Variants in EDARADD observed in about 807,000 individuals in gnomAD.
EDARADD encodes the protein ectodysplasin-A receptor-associated adapter protein.
Under a neutral mutation model 25.6 loss-of-function variants are expected in EDARADD, and 20 were observed. That is an observed-to-expected ratio of 0.78 (90% CI 0.55 to 1.14). The LOEUF (loss-of-function observed/expected upper bound fraction) is 1.14, where lower values mean the gene tolerates loss of function less well. EDARADD is among the 50% of genes most tolerant of loss of function. EDARADD has a pLI of 0.00. For missense variants in EDARADD, 225 were observed against 270.1 expected, an observed-to-expected ratio of 0.83 and a Z score of 1.17; for synonymous variants, 86 against 94.4, an observed-to-expected ratio of 0.91 and a Z score of 0.52.
chr1:236,362,819 C>T (rs1052890244), intron 3 of EDARADD, among the ~76,000 whole-genome samples: 1 of 150,680 alleles, frequency 6.6e-6, no homozygotes, highest in South Asian at 2.1e-4. Context: ...GCTGCCTTGC[C>T]TTGTGCCCTT....
intron 3 of EDARADD, among the ~76,000 whole-genome samples, chr1:236,364,268 G>A (rs918193279): frequency 1.3e-5 from 2 of 152,252 alleles, no homozygotes; most frequent in Middle Eastern, 6.8e-3. Context: ...CCAGATATAT[G>A]TCTATCTTAC....
intron 4 of EDARADD, among the ~76,000 whole-genome samples, chr1:236,453,489 G>T (rs944262275): frequency 6.6e-6 from 1 of 152,024 alleles, no homozygotes; most frequent in African/African-American, 2.4e-5. Flanking sequence ...CATTGGCTGG[G>T]TTGGTCTCTA....
At chr1:236,357,330 T>C (rs1297938949) in intron 3 of EDARADD, among the ~76,000 whole-genome samples, 1 of 152,094 alleles carries the variant, frequency 6.6e-6, no homozygotes, top group Non-Finnish European at 1.5e-5. Flanking sequence ...TGTGTTTCTA[T>C]AAAGGAATGC....
At chr1:236,364,257 C>T (rs910171594) in intron 3 of EDARADD, among the ~76,000 whole-genome samples, 1 of 152,086 alleles carries the variant, frequency 6.6e-6, no homozygotes, top group East Asian at 1.9e-4. Flanking sequence ...AATATATTAT[C>T]CCAGATATAT....
chr1:236,437,363 T>C (rs957183428), intron 4 of EDARADD, among the ~76,000 whole-genome samples: 2 of 152,170 alleles, frequency 1.3e-5, no homozygotes, highest in African/African-American at 4.8e-5. Flanking sequence ...AATGCCAGGA[T>C]GGAAGAGTGT....
intron 4 of EDARADD, among the ~76,000 whole-genome samples, chr1:236,444,579 G>A (rs981160947): frequency 2.6e-5 from 4 of 152,214 alleles, no homozygotes; most frequent in Middle Eastern, 3.4e-3. Flanking sequence ...GCGCCACCAC[G>A]CCTGGCTAAT....
chr1:236,353,697 A>G (rs922337416), intron 3 of EDARADD, among the ~76,000 whole-genome samples: 14 of 150,042 alleles, frequency 9.3e-5, no homozygotes, highest in African/African-American at 3.2e-4. Flanking sequence ...AAAAAAAAAA[A>G]AGATATTGGA....
At chr1:236,461,010 CG>C (rs1475601337) in intron 4 of EDARADD, among the ~76,000 whole-genome samples, 1 of 151,982 alleles carries the variant, frequency 6.6e-6, no homozygotes, top group African/African-American at 2.4e-5. Flanking sequence ...TTAGTAAAGA[CG>C]GGGTTTCATC....
At chr1:236,463,363 G>A (rs961592472) in intron 4 of EDARADD, among the ~76,000 whole-genome samples, 3 of 152,014 alleles carry the variant, frequency 2.0e-5, no homozygotes, top group African/African-American at 4.8e-5. Context: ...GCGAGATCTT[G>A]GTTCACTGCA....
intron 4 of EDARADD, among the ~76,000 whole-genome samples, chr1:236,457,360 C>CA (rs750749102): frequency 2.0e-5 from 3 of 151,570 alleles, no homozygotes; most frequent in African/African-American, 4.9e-5. Flanking sequence ...TACAAAAATA[C>CA]AAAAAATACC....
chr1:236,421,090 T>C (rs1657772595), intron 3 of EDARADD, among the ~76,000 whole-genome samples: 1 of 147,116 alleles, frequency 6.8e-6, no homozygotes, highest in African/African-American at 2.5e-5. Flanking sequence ...AGGGATTCCA[T>C]CTTAGGGTTA....
rs902561218 is a variant in EDARADD at position 236,424,183 on chromosome 1, C to T, written c.161-3209C>T. ...TTTTTTTTTTTTTTTTTTTTTGGAACAGGACGTTGCTCTGTCACTCAGGGC... is the reference window on the plus strand; with the variant it reads ...TTTTTTTTTTTTTTTTTTTTTGGAATAGGACGTTGCTCTGTCACTCAGGGC... On this transcript the variant is annotated intron_variant, in intron 3 of 5. Coordinates refer to ENST00000334232, the MANE Select transcript of EDARADD (RefSeq NM_145861.4). Among the ~76,000 whole-genome samples, 31 of 77,108 alleles carry T rather than the reference C, an allele frequency of 4.0e-4. 1 individual carries two copies. The highest frequency in any genetic ancestry group is 6.0e-4 in the Non-Finnish European group (24 of 39,696). The allele number at this position is 77,108 out of a possible 152,430, so 50.6% of individuals were successfully genotyped here.
rs191441694 is a variant in EDARADD, at chr1:236,394,371, G to A, written c.-74G>A. On this transcript the variant is annotated 5_prime_UTR_variant, in exon 1 of 6. Transcript: ENST00000334232. The stretch of plus-strand genomic sequence containing the variant: ...GTTTGACTCTGGCCAGACAACCAGC[G>A]AGCATCTTCTCGCAATCTGTTGCTT... 4,867 of 1,518,684 alleles carry A rather than the reference G, an allele frequency of 3.2e-3. 21 individuals carry two copies. The highest frequency in any genetic ancestry group is 3.9e-3 in the Non-Finnish European group (4,309 of 1,093,790). 94.1% of individuals were successfully genotyped at this position (1,518,684 alleles called of 1,614,324 possible). A position where few individuals can be genotyped will look rare whatever the true frequency, so the allele number is the denominator to read the frequency against.
intron 4 of EDARADD, among the ~76,000 whole-genome samples, chr1:236,455,664 C>T (rs1658838168): frequency 6.6e-6 from 1 of 152,236 alleles, no homozygotes; most frequent in African/African-American, 2.4e-5. Flanking sequence ...GCAGCTATTG[C>T]ATTCCAGTCC....
At chr1:236,477,180 G>A (rs539607506) in intron 5 of EDARADD, among the ~76,000 whole-genome samples, 1 of 149,626 alleles carries the variant, frequency 6.7e-6, no homozygotes, top group Admixed American at 6.7e-5. Flanking sequence ...TATTATACAT[G>A]ATTTACAGGG....
rs376731607 is a variant in EDARADD, at chr1:236,482,624, G to C, written c.623G>C (p.Arg208Pro). Residue 208 changes from arginine (R) to proline (P), a missense_variant, in exon 6 of 6, where the codon CGT becomes CCT. Arg to Pro is a moderately radical substitution (Grantham distance 103, BLOSUM62 -2). Transcript: ENST00000334232. ...WVDEEWPKRE[R>P]GDPSRHF ...GACGAGGAGTGGCCCAAGCGGGAGC[G>C]TGGAGACCCCTCCAGGCACTTCTAG... 4 of 1,612,044 alleles carry C rather than the reference G, an allele frequency of 2.5e-6. No homozygotes were observed. In the African/African-American group the frequency reaches 5.3e-5, roughly 22 times the overall value.
At chr1:236,404,068 G>T (rs1034407831) in intron 1 of EDARADD, among the ~76,000 whole-genome samples, 1 of 152,186 alleles carries the variant, frequency 6.6e-6, no homozygotes, top group Non-Finnish European at 1.5e-5. Flanking sequence ...ATCCCGCACC[G>T]GCCCTGGCGA....
intron 3 of EDARADD, among the ~76,000 whole-genome samples, chr1:236,418,653 G>A (rs1657704110): frequency 6.6e-6 from 1 of 152,210 alleles, no homozygotes; most frequent in Non-Finnish European, 1.5e-5. Context: ...AAATGTAGAA[G>A]TAGTTCAGTT....
Position 236,409,232 on chromosome 1 carries a change from A to T in EDARADD, c.78A>T (p.Glu26Asp). 1 of 1,613,060 alleles carries T rather than the reference A, an allele frequency of 6.2e-7. No individual in the cohort carries two copies. The highest frequency in any genetic ancestry group is 2.2e-5 in the East Asian group (1 of 44,856). ...TTTTTACAGATCATATGGTAAAGGA[A>T]CCAGTGGAAGACACAGACCCTAGCA... The part of the protein sequence containing the change: ...PGHQEDHMVK[E>D]PVEDTDPSTL... The change falls in exon 2 of 6, where the codon GAA becomes GAT. Residue 26 changes from glutamate (E) to aspartate (D), a missense_variant. Physicochemically the swap from Glu to Asp is conservative, Grantham distance 45. Transcript: ENST00000334232.
Sources: gnomAD v4.1 joint callset for allele counts (sites outside exome capture counted in the v4.1 genomes callset) on GRCh38, gnomAD v4.1.1 for gene constraint, MANE v1.5 for transcripts, NCBI Gene and HGNC (gene_info 2026-07-23, HGNC 2026-07-21) for gene names.